The following SYVN1 variants were observed in gnomAD, a reference collection of about 807,000 sequenced individuals.
The protein encoded by SYVN1 is synoviolin 1.
Under a neutral mutation model 62.6 loss-of-function variants are expected in SYVN1, and 17 were observed. The ratio of observed to expected loss-of-function variants is 0.27; its 90% CI spans 0.19 to 0.41. SYVN1 has a LOEUF of 0.41. SYVN1 is among the 10% of genes least tolerant of loss of function. SYVN1 has a pLI of 1.00. For missense variants in SYVN1, 634 were observed against 818.0 expected (o/e 0.78, Z 2.74); for synonymous variants, 316 against 304.0 (o/e 1.04, Z -0.41).
At position 65,130,967 on chromosome 11, in the gene SYVN1, C is replaced by T. The variant is rs762409752; in HGVS notation, c.894G>A (p.Met298Ile). Residue 298 changes from methionine (M) to isoleucine (I), a missense_variant, in exon 10 of 16, where the codon ATG becomes ATA. Physicochemically the swap from Met to Ile is conservative, Grantham distance 10 (BLOSUM62 1). This residue lies in a region of SYVN1 where 283 missense variants were observed against 444.7 expected (regional missense o/e 0.64). Transcript: ENST00000377190. Reference protein sequence around the residue: ...DNVCIICREEMVTGAKRLPCN... With the variant: ...DNVCIICREEIVTGAKRLPCN... ...AGGGCAGTCTCTTGGCACCAGTCACCATCTCTTCTCGGCAGATGATGCAGA... is the reference window on the plus strand; with the variant it reads ...AGGGCAGTCTCTTGGCACCAGTCACTATCTCTTCTCGGCAGATGATGCAGA... The T allele has an allele frequency of 6.2e-7, 1 of 1,614,054 alleles. No homozygotes were observed. Among genetic ancestry groups the T allele is most frequent in the Non-Finnish European group, 8.5e-7 (1 of 1,180,004 alleles).
At chr11:65,129,546 GCTTTCT>G in intron 14 of SYVN1, 177 bp downstream of exon 14, 1 of 582,626 alleles carries the variant, frequency 1.7e-6, no homozygotes, top group Non-Finnish European at 3.1e-6. Flanking sequence ...ATCCAGACAT[GCTTTCT>G]GGAGTGGGAA....
At chr11:65,131,698 T>C in intron 6 of SYVN1, 102 bp from the exon 7 acceptor site, 1 of 1,435,596 alleles carries the variant, frequency 7.0e-7, no homozygotes, top group Non-Finnish European at 9.5e-7. Flanking sequence ...AGTGGTACAA[T>C]CACAGGCTCT....
intron 6 of SYVN1, 28 bp downstream of exon 6, chr11:65,132,220 T>C: frequency 6.4e-7 from 1 of 1,566,418 alleles, no homozygotes; most frequent in Non-Finnish European, 8.8e-7. Flanking sequence ...CTCGGGCTTG[T>C]CCTCTCAACC....
chr11:65,130,487 G>GC lies in SYVN1; in HGVS notation c.1106-109dup. On this transcript the variant is annotated intron_variant, in intron 11 of 15. Transcript: ENST00000377190. ...TCTGTCCTATTCCCACAGGCCCTCA[G>GC]CCCAGCACTGGTCACACTGACTGCA... is the stretch of plus-strand genomic sequence containing the variant. 2.1e-6 allele frequency: 3 copies of GC among 1,413,252 alleles called. No individual in the cohort carries two copies. The East Asian group carries it at 7.5e-5, about 35-fold the overall frequency. The allele number at this position is 1,413,252 out of a possible 1,614,324, so 87.5% of individuals were successfully genotyped here. A position where few individuals can be genotyped will look rare whatever the true frequency, so the allele number is the denominator to read the frequency against.
chr11:65,128,021 G>A lies in SYVN1; in HGVS notation c.*361C>T, dbSNP rs1370007071. On this transcript the variant is annotated 3_prime_UTR_variant, in exon 16 of 16. Coordinates refer to ENST00000377190, the MANE Select transcript of SYVN1 (RefSeq NM_172230.3). ...GGAGCTAATACTGTTCGGCACTGCA[G>A]TGTGACTCCGCACATACAAGTAGGG... 2 of 380,814 alleles carry A rather than the reference G, an allele frequency of 5.3e-6. No individual in the cohort carries two copies. The highest frequency in any genetic ancestry group is 9.7e-6 in the Non-Finnish European group (2 of 205,968). 23.6% of individuals were successfully genotyped at this position (380,814 alleles called of 1,614,324 possible).
rs1359133307 is a variant in SYVN1, at chr11:65,131,517, G to A, written c.611C>T (p.Pro204Leu). ...LHSVDLQSEN[P>L]WDNKAVYMLY... ...CATGTACACAGCCTTGTTGTCCCAGGGGTTCTCACTCTGGAGGTCCACGGA... is the reference window on the plus strand; with the variant it reads ...CATGTACACAGCCTTGTTGTCCCAGAGGTTCTCACTCTGGAGGTCCACGGA... Residue 204 changes from proline (P) to leucine (L), a missense_variant, in exon 7 of 16, where the codon CCC (proline) becomes CTC (leucine). By Grantham distance (98) the Pro-to-Leu change is moderately conservative. Coordinates refer to ENST00000377190, the MANE Select transcript of SYVN1 (RefSeq NM_172230.3). The A allele has an allele frequency of 6.2e-7, 1 of 1,613,902 alleles. No homozygotes were observed. The highest frequency in any genetic ancestry group is 8.5e-7 in the Non-Finnish European group (1 of 1,179,948).
intron 14 of SYVN1, 62 bp from the exon 15 acceptor site, chr11:65,128,776 C>T (rs1590825542): frequency 4.0e-6 from 6 of 1,500,178 alleles, no homozygotes; most frequent in Admixed American, 2.2e-5. Context: ...GCAGATTCTC[C>T]TGCCCTTGGT....
chr11:65,133,924 G>A (rs1948213823), intron 1 of SYVN1, among the ~76,000 whole-genome samples: 1 of 152,252 alleles, frequency 6.6e-6, no homozygotes, highest in Non-Finnish European at 1.5e-5. Context: ...GTTGGAGGAG[G>A]GGGAGCTGCA....
chr11:65,134,285 G>A (rs1419588207), intron 1 of SYVN1, 171 bp downstream of exon 1: 1 of 152,678 alleles, frequency 6.5e-6, no homozygotes, highest in Non-Finnish European at 1.5e-5. Flanking sequence ...GGCGTCGCAG[G>A]CAGGGCCCAG....
In SYVN1 at chr11:65,130,665, G is replaced by T. The variant is rs761185093; in HGVS notation, c.1100C>A (p.Pro367His). The T allele has an allele frequency of 4.7e-6, 7 of 1,500,700 alleles. No homozygotes were observed. The highest frequency in any genetic ancestry group is 6.2e-6 in the Non-Finnish European group (7 of 1,126,418). 93.0% of individuals were successfully genotyped at this position (1,500,700 alleles called of 1,614,324 possible). Residue 367 changes from proline to histidine, a missense_variant, in exon 11 of 16, where the codon CCC (proline) becomes CAC (histidine). Transcript: ENST00000377190. Reference sequence around the variant, plus strand: ...CCAGACAAGGGGATACTCACAGTTGGGGGGCTGAGGCAAGAGTGGTGGGGG... The same window carrying T: ...CCAGACAAGGGGATACTCACAGTTGTGGGGCTGAGGCAAGAGTGGTGGGGG... ...PHPPPLLPQP[P>H]NFPQGLLPPF...
At position 65,130,394 on chromosome 11, in the gene SYVN1, C is replaced by T. The variant is rs754033127; in HGVS notation, c.1106-15G>A. ...GCCCTGGGGGACTGCAGAGAGAAGA[C>T]GGAGGTAAGGAAAGGGCCAAATGGA... On this transcript the variant is annotated splice_polypyrimidine_tract_variant and intron_variant, in intron 11 of 15. Transcript: ENST00000377190. 124 of 1,518,720 alleles carry T rather than the reference C, an allele frequency of 8.2e-5. No homozygotes were observed. Among genetic ancestry groups the T allele is most frequent in the Non-Finnish European group, 9.7e-5 (110 of 1,135,260 alleles). The allele number at this position is 1,518,720 out of a possible 1,614,324, so 94.1% of individuals were successfully genotyped here.
At chr11:65,129,279 C>T (rs897852891) in intron 14 of SYVN1, 1 of 173,720 alleles carries the variant, frequency 5.8e-6, no homozygotes. Context: ...ATTAAGACCC[C>T]TTTATTCAAA....
Position 65,130,836 on chromosome 11 carries a change from G to T in SYVN1, c.942-13C>A. ...GGAGCGCAGGCAGCTGCGGGTCAAGGCCAGGCAGAGGTCAGCAGGTCCCTA... is the reference window on the plus strand; with the variant it reads ...GGAGCGCAGGCAGCTGCGGGTCAAGTCCAGGCAGAGGTCAGCAGGTCCCTA... On this transcript the variant is annotated splice_polypyrimidine_tract_variant and intron_variant, in intron 10 of 15. Coordinates refer to ENST00000377190, the MANE Select transcript of SYVN1 (RefSeq NM_172230.3). 6.3e-7 allele frequency: 1 copy of T among 1,586,736 alleles called. No individual in the cohort carries two copies.
chr11:65,133,897 T>A (rs879490546), intron 1 of SYVN1, among the ~76,000 whole-genome samples: 3 of 152,074 alleles, frequency 2.0e-5, no homozygotes, highest in Non-Finnish European at 4.4e-5. Flanking sequence ...AGGGAGGTGA[T>A]GAGGAAAAGC....
At chr11:65,131,444 T>C (rs371696235) in intron 7 of SYVN1, 26 bp downstream of exon 7, 19 of 1,613,752 alleles carry the variant, frequency 1.2e-5, no homozygotes, top group Non-Finnish European at 1.5e-5. Flanking sequence ...CTGGTCCAGA[T>C]CAGGAGAGGC....
At chr11:65,130,490 C>A in intron 11 of SYVN1, 111 bp from the exon 12 acceptor site, 1 of 1,410,512 alleles carries the variant, frequency 7.1e-7, no homozygotes, top group Non-Finnish European at 9.4e-7. Context: ...GCCCTCAGCC[C>A]AGCACTGGTC....
At position 65,130,800 on chromosome 11, in the gene SYVN1, C is replaced by T. The variant is rs551832959; in HGVS notation, c.965G>A (p.Arg322Gln). ...HTSCLRSWFQ[R>Q]QQTCPTCRMD... ...ACGGCAGGTGGGGCAGGTCTGCTGC[C>T]GCTGGAACCAGGAGCGCAGGCAGCT... The change falls in exon 11 of 16, where the codon CGG (arginine) becomes CAG (glutamine). Residue 322 changes from arginine to glutamine, a missense_variant. Arg to Gln is a conservative substitution (Grantham distance 43). Coordinates refer to ENST00000377190, the MANE Select transcript of SYVN1 (RefSeq NM_172230.3). 1.4e-5 allele frequency: 22 copies of T among 1,553,144 alleles called. No individual in the cohort carries two copies. Among genetic ancestry groups the T allele is most frequent in the East Asian group, 9.0e-5 (4 of 44,556 alleles).
In SYVN1 at chr11:65,128,852, G is replaced by A; in HGVS notation, c.1596-138C>T. ...GCCCCAGTGCCTGGCAAACACAAGT[G>A]AACATGCTGAATGAACTCAGACAGG... On this transcript the variant is annotated intron_variant, in intron 14 of 15. Coordinates refer to ENST00000377190, the MANE Select transcript of SYVN1 (RefSeq NM_172230.3). 3.4e-6 allele frequency: 3 copies of A among 882,048 alleles called. No homozygotes were observed. The South Asian group carries it at 5.3e-5, about 16-fold the overall frequency. The allele number at this position is 882,048 out of a possible 1,614,324, so 54.6% of individuals were successfully genotyped here.
rs879354144 is a variant in SYVN1 at position 65,130,998 on chromosome 11, T to A, written c.863A>T (p.Asp288Val). 1 of 1,614,090 alleles carries A rather than the reference T, an allele frequency of 6.2e-7. No homozygotes were observed. Among genetic ancestry groups the A allele is most frequent in the Non-Finnish European group, 8.5e-7 (1 of 1,180,016 alleles). ...DATPEELQAMDNVCIICREEM... is the reference protein window; with the variant it reads ...DATPEELQAMVNVCIICREEM... ...TTCTCGGCAGATGATGCAGACATTG[T>A]CCATTGCCTGGAGCTCCTCTGGGGT... Residue 288 changes from aspartate (D) to valine (V), a missense_variant, in exon 10 of 16, where the codon GAC (aspartate) becomes GTC (valine). Asp to Val is a radical substitution (Grantham distance 152, BLOSUM62 -3). Transcript: ENST00000377190.
Sources: allele counts gnomAD v4.1 joint callset (sites outside exome capture counted in the v4.1 genomes callset), GRCh38; gene constraint gnomAD v4.1.1; regional missense constraint gnomAD v4.1.1; transcripts MANE v1.5; gene names NCBI Gene and HGNC (gene_info 2026-07-23, HGNC 2026-07-21).